Variants in JAK2 observed in about 807,000 individuals in gnomAD.
The protein encoded by JAK2 is tyrosine-protein kinase JAK2.
In JAK2, 86 loss-of-function variants were observed where a neutral mutation model predicts 139.3. The ratio of observed to expected loss-of-function variants is 0.62; its 90% CI spans 0.52 to 0.74. JAK2 has a LOEUF of 0.74. JAK2 is among the 30% of genes least tolerant of loss of function. JAK2 has a pLI of 0.00. For missense variants in JAK2, 1,421 were observed against 1,360.3 expected, an observed-to-expected ratio of 1.04 and a Z score of -0.70; for synonymous variants, 490 against 437.7, an observed-to-expected ratio of 1.12 and a Z score of -1.49.
At chr9:5,087,474 A>ACTGGTAGTTCTTTTACT (rs146226026) in intron 19 of JAK2, among the ~76,000 whole-genome samples, 96,460 of 151,580 alleles carry the variant, frequency 0.64, 32,764 homozygotes, top group African/African-American at 0.89. Flanking sequence ...AAACCATATC[A>ACTGGTAGTTCTTTTACT]CTCCCTTACT....
At chr9:5,059,378 G>A (rs925941013) in intron 8 of JAK2, among the ~76,000 whole-genome samples, 4 of 152,084 alleles carry the variant, frequency 2.6e-5, no homozygotes, top group African/African-American at 9.7e-5. Flanking sequence ...ATTCATTTAT[G>A]TTGTTACATG....
At chr9:5,033,248 A>G (rs1823305485) in intron 4 of JAK2, among the ~76,000 whole-genome samples, 1 of 152,230 alleles carries the variant, frequency 6.6e-6, no homozygotes, top group Non-Finnish European at 1.5e-5. Context: ...GGACTATGTG[A>G]AAAGACCAAA....
At chr9:5,042,341 G>A (rs1303557069) in intron 4 of JAK2, among the ~76,000 whole-genome samples, 8 of 151,440 alleles carry the variant, frequency 5.3e-5, no homozygotes, top group Admixed American at 3.9e-4. Flanking sequence ...GTTTCACCTT[G>A]TTAGCCAGGA....
chr9:5,009,369 A>C (rs1486689869), intron 2 of JAK2, among the ~76,000 whole-genome samples: 4 of 152,198 alleles, frequency 2.6e-5, no homozygotes, highest in Non-Finnish European at 5.9e-5. Flanking sequence ...TACAGAATGG[A>C]AACAGCCAGG....
chr9:5,108,024 C>G (rs1822114106), intron 22 of JAK2: 1 of 152,132 alleles, frequency 6.6e-6, no homozygotes. Flanking sequence ...GCCTACTTAT[C>G]AGCCTCATCA....
chr9:5,102,050 G>A (rs1821536876), intron 22 of JAK2, among the ~76,000 whole-genome samples: 1 of 152,198 alleles, frequency 6.6e-6, no homozygotes, highest in Non-Finnish European at 1.5e-5. Context: ...TTGACGAGCT[G>A]ACAGAAGTAG....
intron 2 of JAK2, among the ~76,000 whole-genome samples, chr9:5,004,305 C>T (rs529950333): frequency 2.5e-4 from 38 of 152,262 alleles, no homozygotes; most frequent in Non-Finnish European, 4.3e-4. Context: ...CCCTCAGCCT[C>T]TGGTAACTGC....
intron 22 of JAK2, chr9:5,112,659 T>C: frequency 1.0e-6 from 1 of 972,230 alleles, no homozygotes; most frequent in Non-Finnish European, 1.4e-6. Context: ...AAACTCCTTA[T>C]CCTGCACCAG....
chr9:5,037,480 G>C (rs1336926334), intron 4 of JAK2, among the ~76,000 whole-genome samples: 1 of 152,194 alleles, frequency 6.6e-6, no homozygotes, highest in African/African-American at 2.4e-5. Context: ...ATGATAGACT[G>C]GATTAAGAAA....
chr9:5,039,820 A>C (rs1342850611), intron 4 of JAK2, among the ~76,000 whole-genome samples: 1 of 152,192 alleles, frequency 6.6e-6, no homozygotes, highest in Non-Finnish European at 1.5e-5. Context: ...AAAGAAATTA[A>C]GGAAACACCT....
At position 5,127,047 on chromosome 9, in the gene JAK2, A is replaced by T; in HGVS notation, c.*256A>T. The stretch of plus-strand genomic sequence containing the variant: ...TTCTTAAACATTGTCAGTTAACATC[A>T]CTCTTGTCTGGCAAAAGAAAAAAAA... On this transcript the variant is annotated 3_prime_UTR_variant, in exon 25 of 25. Coordinates refer to ENST00000381652, the MANE Select transcript of JAK2 (RefSeq NM_004972.4). 1 of 278,932 alleles carries T rather than the reference A, an allele frequency of 3.6e-6. No homozygotes were observed. Among genetic ancestry groups the T allele is most frequent in the Non-Finnish European group, 6.8e-6 (1 of 147,826 alleles). The allele number at this position is 278,932 out of a possible 1,614,324, so 17.3% of individuals were successfully genotyped here.
At chr9:5,080,447 T>G (rs1432526223) in intron 17 of JAK2, 67 bp downstream of exon 17, 2 of 1,544,690 alleles carry the variant, frequency 1.3e-6, no homozygotes, top group African/African-American at 2.8e-5. Flanking sequence ...TCACATGATT[T>G]GTATTTTTTA....
intron 4 of JAK2, among the ~76,000 whole-genome samples, chr9:5,032,050 C>T (rs1018451422): frequency 6.6e-6 from 1 of 152,162 alleles, no homozygotes; most frequent in Non-Finnish European, 1.5e-5. Flanking sequence ...AAAATCGGGT[C>T]ACTCCCACTC....
intron 22 of JAK2, chr9:5,099,970 C>T (rs1042104331): frequency 6.6e-6 from 1 of 152,168 alleles, no homozygotes; most frequent in African/African-American, 2.4e-5. Flanking sequence ...GCCACTTATC[C>T]CTATACTAGT....
intron 19 of JAK2, chr9:5,085,718 C>T (rs1820038960): frequency 5.3e-6 from 4 of 751,696 alleles, no homozygotes; most frequent in East Asian, 2.5e-5. Flanking sequence ...CAGTGTGGAT[C>T]ATTTCTGCAA....
rs74932895 is a variant in JAK2, at chr9:5,120,729, G to A, written c.3060-2275G>A. Among the ~76,000 whole-genome samples, 1,346 of 152,256 alleles carry A rather than the reference G, an allele frequency of 8.8e-3. 15 individuals are homozygous for A. Among genetic ancestry groups the A allele is most frequent in the African/African-American group, 0.031 (1,278 of 41,532 alleles). ...TGATGTAAACTGTAACAATGGGTTA[G>A]GAGACTGATTGGAGATATTTCTAAG... On this transcript the variant is annotated intron_variant, in intron 22 of 24. Transcript: ENST00000381652.
At chr9:5,099,199 T>G (rs1442741021) in intron 22 of JAK2, 1 of 152,196 alleles carries the variant, frequency 6.6e-6, no homozygotes, top group African/African-American at 2.4e-5. Flanking sequence ...TCAAACTACC[T>G]TAACCACTGG....
At chr9:5,042,994 G>T (rs913503615) in intron 4 of JAK2, among the ~76,000 whole-genome samples, 1 of 152,218 alleles carries the variant, frequency 6.6e-6, no homozygotes, top group South Asian at 2.1e-4. Flanking sequence ...GAGGGGGGTG[G>T]GCCGGCTGGC....
chr9:5,126,598 GC>G, intron 24 of JAK2, 85 bp from the exon 25 acceptor site: 1 of 994,600 alleles, frequency 1.0e-6, no homozygotes, highest in Non-Finnish European at 1.5e-6. Flanking sequence ...TATGACATGT[GC>G]CCTGTATTGA....
Sources: allele counts gnomAD v4.1 joint callset (sites outside exome capture counted in the v4.1 genomes callset), GRCh38; gene constraint gnomAD v4.1.1; transcripts MANE v1.5; gene names NCBI Gene and HGNC (gene_info 2026-07-23, HGNC 2026-07-21).